Variants in NPSR1 observed in about 807,000 individuals in gnomAD.
NPSR1 encodes the protein neuropeptide S receptor 1, also known as neuropeptide S receptor.
In NPSR1, 48 loss-of-function variants were observed where a neutral mutation model predicts 46.9. That is an observed-to-expected ratio of 1.02 (90% CI 0.81 to 1.30). The LOEUF is 1.30. Among genes scored for constraint, NPSR1 ranks in the 50% most tolerant of loss-of-function variants. NPSR1 has a pLI of 0.00. For missense variants in NPSR1, 450 were observed against 449.5 expected, an observed-to-expected ratio of 1.00 and a Z score of -0.01; for synonymous variants, 176 against 168.1, an observed-to-expected ratio of 1.05 and a Z score of -0.36.
intron 2 of NPSR1, among the ~76,000 whole-genome samples, chr7:34,727,141 CACTT>C (rs1160215647): frequency 6.6e-6 from 1 of 151,830 alleles, no homozygotes; most frequent in Non-Finnish European, 1.5e-5. Context: ...AGAAACTCTG[CACTT>C]ACTCGATTTT....
intron 2 of NPSR1, among the ~76,000 whole-genome samples, chr7:34,747,962 T>A (rs1029387045): frequency 5.3e-5 from 8 of 152,202 alleles, no homozygotes; most frequent in Non-Finnish European, 1.0e-4. Flanking sequence ...GTATCACAAA[T>A]GAGGCTCACT....
At chr7:34,861,344 T>C (rs1791187214) in intron 8 of NPSR1, among the ~76,000 whole-genome samples, 1 of 151,890 alleles carries the variant, frequency 6.6e-6, no homozygotes, top group Non-Finnish European at 1.5e-5. Context: ...CCCTCAGATA[T>C]CTGCTTGTCC....
At chr7:34,840,186 T>C (rs1349727580) in intron 6 of NPSR1, among the ~76,000 whole-genome samples, 1 of 152,104 alleles carries the variant, frequency 6.6e-6, no homozygotes, top group Admixed American at 6.6e-5. Flanking sequence ...GGTTCAGAGA[T>C]ATGCAGCCAT....
intron 1 of NPSR1, among the ~76,000 whole-genome samples, chr7:34,660,873 C>T (rs900567932): frequency 6.4e-5 from 9 of 141,478 alleles, no homozygotes; most frequent in African/African-American, 2.5e-4. Context: ...ACTCATCCCT[C>T]CCTGAGCTTC....
At chr7:34,792,656 T>C (rs1787950968) in intron 3 of NPSR1, among the ~76,000 whole-genome samples, 1 of 111,872 alleles carries the variant, frequency 8.9e-6, no homozygotes, top group Non-Finnish European at 1.8e-5. Context: ...TATATATGTA[T>C]ATATATATTT....
chr7:34,741,077 A>T (rs930856231), intron 2 of NPSR1, among the ~76,000 whole-genome samples: 3 of 152,222 alleles, frequency 2.0e-5, no homozygotes. Context: ...ACTCTTGTAC[A>T]TGACAAGTCA....
Position 34,792,052 on chromosome 7 carries a change from G to A in NPSR1, c.384+13487G>A, listed in dbSNP as rs577578184. On this transcript the variant is annotated intron_variant, in intron 3 of 8. Transcript: ENST00000360581. ...TTTAACCCTTAACTTATACAATACA[G>A]AAAAAAATCAACTCAAAACAGATTA... 3.4e-3 allele frequency among the ~76,000 whole-genome samples: 515 copies of A among 151,988 alleles called. 3 individuals are homozygous for A. The highest frequency in any genetic ancestry group is 0.012 in the African/African-American group (500 of 41,478).
intron 3 of NPSR1, among the ~76,000 whole-genome samples, chr7:34,797,390 GGAAGCGT>G (rs1788221639): frequency 1.3e-5 from 2 of 152,312 alleles, no homozygotes; most frequent in South Asian, 4.1e-4. Context: ...ACTCTTGCAT[GGAAGCGT>G]GATGGTGAGT....
At chr7:34,735,210 G>A (rs537815245) in intron 2 of NPSR1, among the ~76,000 whole-genome samples, 44 of 152,294 alleles carry the variant, frequency 2.9e-4, no homozygotes, top group African/African-American at 1.0e-3. Context: ...AACCTCAAGA[G>A]AGTCTCTCCA....
intron 8 of NPSR1, among the ~76,000 whole-genome samples, chr7:34,869,553 T>A (rs1255889821): frequency 6.6e-6 from 1 of 151,650 alleles, no homozygotes; most frequent in Non-Finnish European, 1.5e-5. Context: ...TCCAAACTCA[T>A]CAGGGCCCTC....
At chr7:34,748,965 A>T (rs996683507) in intron 2 of NPSR1, among the ~76,000 whole-genome samples, 1 of 152,132 alleles carries the variant, frequency 6.6e-6, no homozygotes, top group Non-Finnish European at 1.5e-5. Flanking sequence ...TTCTAAGGCA[A>T]GCTACTTGGA....
In NPSR1 at chr7:34,744,654, C is replaced by T. The variant is rs1317332475; in HGVS notation, c.281-33808C>T. Reference sequence around the variant, plus strand: ...TGTCCCATTGGGAATCCCTCATCCCCAAGGCCTTCTGCTCATGATGAATAA... The same window carrying T: ...TGTCCCATTGGGAATCCCTCATCCCTAAGGCCTTCTGCTCATGATGAATAA... On this transcript the variant is annotated intron_variant, in intron 2 of 8. Transcript: ENST00000360581. Among the ~76,000 whole-genome samples the T allele has an allele frequency of 8.5e-5, 13 of 152,200 alleles. 1 individual carries two copies. The highest frequency in any genetic ancestry group is 8.5e-4 in the Admixed American group (13 of 15,272).
chr7:34,849,819 G>A lies in NPSR1; in HGVS notation c.*164G>A, dbSNP rs1204064618. On this transcript the variant is annotated 3_prime_UTR_variant, in exon 9 of 9. Transcript: ENST00000360581. ...TCTAATGACTGCATGCACTGCTTAAGTATTGGCCAACACGAACTCCCCAGT... is the reference window on the plus strand; with the variant it reads ...TCTAATGACTGCATGCACTGCTTAAATATTGGCCAACACGAACTCCCCAGT... The A allele has an allele frequency of 3.5e-6, 5 of 1,412,290 alleles. No individual in the cohort carries two copies. The East Asian group carries it at 1.3e-4, about 37-fold the overall frequency. The allele number at this position is 1,412,290 out of a possible 1,614,324, so 87.5% of individuals were successfully genotyped here.
At chr7:34,779,128 A>G (rs2128737080) in intron 3 of NPSR1, among the ~76,000 whole-genome samples, 1 of 152,188 alleles carries the variant, frequency 6.6e-6, no homozygotes, top group South Asian at 2.1e-4. Context: ...AAAGATATTG[A>G]TGCTTCAAAT....
intron 2 of NPSR1, among the ~76,000 whole-genome samples, chr7:34,762,458 G>A (rs1391961855): frequency 6.6e-6 from 1 of 152,098 alleles, no homozygotes; most frequent in Admixed American, 6.5e-5. Flanking sequence ...ACATCAGGTT[G>A]GGCCATTCAG....
downstream of NPSR1, among the ~76,000 whole-genome samples, chr7:34,853,615 T>C (rs2128766474): frequency 6.6e-6 from 1 of 152,300 alleles, no homozygotes; most frequent in East Asian, 1.9e-4. Context: ...TCTCATGGTT[T>C]TCAGATTGCT....
At chr7:34,788,419 A>G in intron 3 of NPSR1, among the ~76,000 whole-genome samples, 1 of 152,140 alleles carries the variant, frequency 6.6e-6, no homozygotes, top group East Asian at 1.9e-4. Flanking sequence ...GAATATAATT[A>G]TTAAAATGGC....
At chr7:34,702,561 C>G (rs760929239) in intron 2 of NPSR1, among the ~76,000 whole-genome samples, 1 of 152,308 alleles carries the variant, frequency 6.6e-6, no homozygotes, top group African/African-American at 2.4e-5. Flanking sequence ...CAGAGTGCTA[C>G]GCTCTCTTCT....
At chr7:34,878,083 C>T (rs778445971) in exon 9 of NPSR1, 6 of 1,604,030 alleles carry the variant, frequency 3.7e-6, no homozygotes, top group South Asian at 2.2e-5. Context: ...CAGGGTCATC[C>T]GTCTCCGTCA....
Sources: gnomAD v4.1 joint callset for allele counts (sites outside exome capture counted in the v4.1 genomes callset) on GRCh38, gnomAD v4.1.1 for gene constraint, MANE v1.5 for transcripts, NCBI Gene and HGNC (gene_info 2026-07-23, HGNC 2026-07-21) for gene names.